ULK4: variants seen among roughly 807,000 people sequenced by gnomAD.
ULK4 encodes the protein inactive serine/threonine-protein kinase ULK4.
In ULK4, 133 loss-of-function variants were observed where a neutral mutation model predicts 160.6. The ratio of observed to expected loss-of-function variants is 0.83; its 90% confidence interval spans 0.72 to 0.96. The LOEUF is 0.96. Among genes scored for constraint, ULK4 ranks in the 40% least tolerant of loss-of-function variants. ULK4 has a pLI of 0.00. For missense variants in ULK4, 1,580 were observed against 1,499.5 expected (o/e 1.05, Z -0.89); for synonymous variants, 534 against 539.8 (o/e 0.99, Z 0.15).
At chr3:41,514,911 A>G (rs2085700235) in intron 32 of ULK4, among the ~76,000 whole-genome samples, 1 of 152,202 alleles carries the variant, frequency 6.6e-6, no homozygotes, top group South Asian at 2.1e-4. Context: ...TTGTACAAAT[A>G]AGAAAAAAAG....
At chr3:41,950,402 G>A (rs796781929) in intron 2 of ULK4, among the ~76,000 whole-genome samples, 9 of 152,130 alleles carry the variant, frequency 5.9e-5, no homozygotes, top group African/African-American at 2.2e-4. Flanking sequence ...CACCATGCCC[G>A]GCTGATTTTT....
At chr3:41,955,249 C>CA (rs2148846597) in intron 1 of ULK4, among the ~76,000 whole-genome samples, 1 of 152,358 alleles carries the variant, frequency 6.6e-6, no homozygotes, top group Non-Finnish European at 1.5e-5. Context: ...GAGATCGCAC[C>CA]ACTGCACTCC....
chr3:41,449,512 C>T lies in ULK4; in HGVS notation c.3492+5985G>A, dbSNP rs1010998916. ...CTGCTTAGTATAGAACTAATAAAAT[C>T]CCCAATCTCTTGGGTTTGACTTGCA... is the stretch of plus-strand genomic sequence containing the variant. On this transcript the variant is annotated intron_variant, in intron 34 of 36. Coordinates refer to ENST00000301831, the MANE Select transcript of ULK4 (RefSeq NM_017886.4). Among the ~76,000 whole-genome samples, 17 of 152,146 alleles carry T rather than the reference C, an allele frequency of 1.1e-4. No homozygotes were observed. In the Middle Eastern group the frequency reaches 0.01, roughly 91 times the overall value.
intron 35 of ULK4, among the ~76,000 whole-genome samples, chr3:41,260,496 C>T (rs2078919156): frequency 6.6e-6 from 1 of 152,238 alleles, no homozygotes; most frequent in African/African-American, 2.4e-5. Flanking sequence ...CCAGCTGCCT[C>T]ACAGCATCCG....
chr3:41,576,929 A>C (rs1691986), intron 31 of ULK4, among the ~76,000 whole-genome samples: 139,447 of 152,178 alleles, frequency 0.92, 64,351 homozygotes, highest in Middle Eastern at 0.97. Context: ...AGTGTCCCAC[A>C]CGAAAGAAAG....
chr3:41,423,729 G>T (rs1302531150), intron 34 of ULK4, among the ~76,000 whole-genome samples: 2 of 152,134 alleles, frequency 1.3e-5, no homozygotes, highest in Non-Finnish European at 2.9e-5. Context: ...CCCATGGGGA[G>T]TGAGGAAAAG....
At chr3:41,677,198 T>C (rs2035751354) in intron 29 of ULK4, among the ~76,000 whole-genome samples, 1 of 148,716 alleles carries the variant, frequency 6.7e-6, no homozygotes, top group Non-Finnish European at 1.5e-5. Context: ...TGTGAGCCGG[T>C]GTACCCAGCA....
rs112130741 is a variant in ULK4 at position 41,937,041 on chromosome 3, T to C, written c.238+1057A>G. On this transcript the variant is annotated intron_variant, in intron 3 of 36. Coordinates refer to ENST00000301831, the MANE Select transcript of ULK4 (RefSeq NM_017886.4). ...CCCCATAAATATTAATACACACACA[T>C]ACTATATACCTACAAAAATTAAATA... 2,392 of 340,538 alleles carry C rather than the reference T, an allele frequency of 7.0e-3. 43 individuals carry two copies. The highest frequency in any genetic ancestry group is 0.044 in the African/African-American group (2,160 of 48,602). 21.1% of individuals were successfully genotyped at this position (340,538 alleles called of 1,614,324 possible).
At chr3:41,291,457 A>AG in intron 35 of ULK4, among the ~76,000 whole-genome samples, 2 of 576 alleles carry the variant, frequency 3.5e-3, no homozygotes, top group Non-Finnish European at 3.4e-3. Context: ...GAGGGGAGGG[A>AG]AGAAGAGGAG....
intron 22 of ULK4, among the ~76,000 whole-genome samples, chr3:41,719,965 A>T (rs2037394185): frequency 6.6e-6 from 1 of 152,136 alleles, no homozygotes; most frequent in South Asian, 2.1e-4. Context: ...CCATGCAACA[A>T]GCTACTGCCT....
At position 41,387,617 on chromosome 3, in the gene ULK4, C is replaced by T. The variant is rs146152106; in HGVS notation, c.3678+10462G>A. 6.9e-3 allele frequency among the ~76,000 whole-genome samples: 1,046 copies of T among 152,106 alleles called. 4 individuals carry two copies. The highest frequency in any genetic ancestry group is 0.015 in the East Asian group (79 of 5,158). On this transcript the variant is annotated intron_variant, in intron 35 of 36. Coordinates refer to ENST00000301831, the MANE Select transcript of ULK4 (RefSeq NM_017886.4). The stretch of plus-strand genomic sequence containing the variant: ...CAATTCACACCTATGAGTGAGAATA[C>T]GCGGTGTTTGGTTTTTTGTCCTTGT...
intron 18 of ULK4, among the ~76,000 whole-genome samples, chr3:41,826,662 G>A (rs113913938): frequency 0.22 from 30,307 of 139,480 alleles, 4,171 homozygotes; most frequent in African/African-American, 0.39. Flanking sequence ...CATAAAGCAA[G>A]TCCTTAGAGA....
intron 21 of ULK4, among the ~76,000 whole-genome samples, chr3:41,771,759 A>C (rs1423089947): frequency 6.6e-6 from 1 of 152,212 alleles, no homozygotes; most frequent in Non-Finnish European, 1.5e-5. Context: ...GCAAAGAAAA[A>C]ACGTAAAACA....
chr3:41,927,091 G>T (rs1185168695), intron 5 of ULK4, among the ~76,000 whole-genome samples: 1 of 152,176 alleles, frequency 6.6e-6, no homozygotes, highest in South Asian at 2.1e-4. Context: ...GTTAAGGGCA[G>T]CCAGAGAGAA....
At chr3:41,542,141 T>C (rs1229030518) in intron 32 of ULK4, among the ~76,000 whole-genome samples, 1 of 152,208 alleles carries the variant, frequency 6.6e-6, no homozygotes, top group Non-Finnish European at 1.5e-5. Flanking sequence ...CAGTATGATA[T>C]TGGCTGTGGG....
chr3:41,363,906 T>C (rs1447073761), intron 35 of ULK4, among the ~76,000 whole-genome samples: 3 of 151,492 alleles, frequency 2.0e-5, no homozygotes, highest in Admixed American at 6.6e-5. Flanking sequence ...GAGTGAAGAT[T>C]TGAACCCTCC....
chr3:41,531,084 G>A (rs570167286), intron 32 of ULK4, among the ~76,000 whole-genome samples: 2 of 150,712 alleles, frequency 1.3e-5, no homozygotes, highest in East Asian at 4.0e-4. Flanking sequence ...TAATATCAAG[G>A]AATGCCCAGT....
chr3:41,323,098 C>T (rs544148167), intron 35 of ULK4, among the ~76,000 whole-genome samples: 12 of 152,096 alleles, frequency 7.9e-5, no homozygotes, highest in East Asian at 3.9e-4. Flanking sequence ...CCACCATGCC[C>T]GGCTAATTTT....
chr3:41,585,925 T>C, intron 31 of ULK4, among the ~76,000 whole-genome samples: 1 of 152,176 alleles, frequency 6.6e-6, no homozygotes, highest in East Asian at 1.9e-4. Context: ...CATCACTAAT[T>C]ATAAGAGAAA....
Sources: gnomAD v4.1 joint callset for allele counts (sites outside exome capture counted in the v4.1 genomes callset) on GRCh38, gnomAD v4.1.1 for gene constraint, MANE v1.5 for transcripts, NCBI Gene and HGNC (gene_info 2026-07-23, HGNC 2026-07-21) for gene names.